The following RPL15 variants were observed in gnomAD, a reference collection of about 807,000 sequenced individuals.
The protein encoded by RPL15 is ribosomal protein L15.
For synonymous variants in RPL15, 97 were observed against 95.1 expected (o/e 1.02, Z -0.12); for missense variants, 161 against 271.8 (o/e 0.59, Z 2.87).
intron 2 of RPL15, 150 bp downstream of exon 2, chr3:23,918,181 C>T (rs1401563149): frequency 4.7e-6 from 5 of 1,052,964 alleles, no homozygotes; most frequent in Middle Eastern, 3.1e-4. Context: ...TTACTGTATG[C>T]ACTGTTGTCT....
At chr3:23,918,394 T>C in intron 2 of RPL15, 46 bp from the exon 3 acceptor site, 1 of 1,600,028 alleles carries the variant, frequency 6.2e-7, no homozygotes, top group Non-Finnish European at 8.5e-7. Flanking sequence ...TCTTAAGCCT[T>C]ACGGCTTCCT....
chr3:23,917,737 C>A (rs888457248), intron 1 of RPL15, 113 bp from the exon 2 acceptor site: 2 of 1,095,270 alleles, frequency 1.8e-6, no homozygotes, highest in Admixed American at 2.7e-5. Context: ...GGTGCAGAGC[C>A]ATTTTCATTC....
At chr3:23,917,682 C>G (rs1408207653) in intron 1 of RPL15, 168 bp from the exon 2 acceptor site, 2 of 640,896 alleles carry the variant, frequency 3.1e-6, no homozygotes, top group Non-Finnish European at 5.3e-6. Context: ...GAACGCGGCT[C>G]CGTGGGCGCA....
At chr3:23,918,252 C>T (rs568648252) in intron 2 of RPL15, 188 bp from the exon 3 acceptor site, 23 of 895,602 alleles carry the variant, frequency 2.6e-5, no homozygotes, top group Non-Finnish European at 3.7e-5. Flanking sequence ...GCAAAATAAA[C>T]AGTGTGCCTC....
In RPL15 at chr3:23,919,498, C is replaced by T. The variant is rs1317196774; in HGVS notation, c.612C>T (p.Arg204=). Reference sequence around the variant, plus strand: ...ATACTCTCCAGCTCCACCGTTACCGCTAATATAAGTAAAGTTTGTAAAATT... The same window carrying T: ...ATACTCTCCAGCTCCACCGTTACCGTTAATATAAGTAAAGTTTGTAAAATT... ...RRNTLQLHRY[R] is the part of the protein sequence containing the mutation. Residue 204 remains arginine (R), a synonymous_variant, in exon 4 of 4, where the codon CGC becomes CGT. Transcript: ENST00000307839. 9.6e-6 allele frequency: 15 copies of T among 1,562,074 alleles called. No individual in the cohort carries two copies. Among genetic ancestry groups the T allele is most frequent in the Non-Finnish European group, 1.2e-5 (14 of 1,159,644 alleles).
At chr3:23,919,142 T>A in intron 3 of RPL15, 54 bp from the exon 4 acceptor site, 1 of 1,234,360 alleles carries the variant, frequency 8.1e-7, no homozygotes, top group Non-Finnish European at 1.2e-6. Flanking sequence ...TCTTTCTGAC[T>A]TGCTGCTATA....
At chr3:23,921,858 A>C, downstream of RPL15, 1 of 498,174 alleles carries the variant, frequency 2.0e-6, no homozygotes, top group Non-Finnish European at 3.5e-6. Context: ...TACAGGCGTG[A>C]GCCACCACCC....
At position 23,917,960 on chromosome 3, in the gene RPL15, C is replaced by T. The variant is rs766367909; in HGVS notation, c.101C>T (p.Ser34Phe). The part of the protein sequence containing the change: ...RVRCWQYRQL[S>F]ALHRAPRPTR... ...CGCTGCTGGCAGTACCGCCAGCTCT[C>T]TGCTCTCCACAGGGCTCCCCGCCCC... is the stretch of plus-strand genomic sequence containing the variant. The change falls in exon 2 of 4, where the codon TCT becomes TTT. Residue 34 changes from serine (S) to phenylalanine (F), a missense_variant. By Grantham distance (155) the Ser-to-Phe change is radical. Transcript: ENST00000307839. 2 of 1,613,744 alleles carry T rather than the reference C, an allele frequency of 1.2e-6. No homozygotes were observed. The highest frequency in any genetic ancestry group is 1.7e-6 in the Non-Finnish European group (2 of 1,179,854).
upstream of RPL15, chr3:23,916,969 G>A (rs1453821290): frequency 6.6e-6 from 1 of 152,640 alleles, no homozygotes; most frequent in East Asian, 1.9e-4. Flanking sequence ...CTCGAATCTT[G>A]CGGAGCAGGG....
In RPL15 at chr3:23,920,371, C is replaced by T. The variant is rs1141623; in HGVS notation, c.*870C>T. On this transcript the variant is annotated 3_prime_UTR_variant, in exon 4 of 4. Transcript: ENST00000307839. Reference sequence around the variant, plus strand: ...CTCCCATAGGCTACAGAAAAAGTCACAAGCGCATGGTTTCCAACCATATGT... The same window carrying T: ...CTCCCATAGGCTACAGAAAAAGTCATAAGCGCATGGTTTCCAACCATATGT... The T allele has an allele frequency of 1.0e-6, 1 of 985,340 alleles. No homozygotes were observed. The highest frequency in any genetic ancestry group is 1.2e-6 in the Non-Finnish European group (1 of 829,864). The allele number at this position is 985,340 out of a possible 1,614,324, so 61.0% of individuals were successfully genotyped here. A position where few individuals can be genotyped will look rare whatever the true frequency, so the allele number is the denominator to read the frequency against.
At chr3:23,921,558 A>G, downstream of RPL15, 5 of 658,676 alleles carry the variant, frequency 7.6e-6, no homozygotes, top group South Asian at 3.2e-5. Flanking sequence ...ACACAGCAAC[A>G]TTGATTATTG....
chr3:23,924,431 A>T (rs553906237), downstream of RPL15: 2 of 152,178 alleles, frequency 1.3e-5, no homozygotes, highest in East Asian at 3.9e-4. Flanking sequence ...ATTTTTTGAG[A>T]CGAGTCTCTG....
rs1559512331 is a variant in RPL15, at chr3:23,919,533, T to C, written c.*32T>C. ...TAAAGTTTGTAAAATTCATACTTAATAAACAATTTAGGACAGTCATGTCTG... is the reference window on the plus strand; with the variant it reads ...TAAAGTTTGTAAAATTCATACTTAACAAACAATTTAGGACAGTCATGTCTG... On this transcript the variant is annotated 3_prime_UTR_variant, in exon 4 of 4. Coordinates refer to ENST00000307839, the MANE Select transcript of RPL15 (RefSeq NM_002948.5). The C allele has an allele frequency of 2.0e-6, 3 of 1,507,526 alleles. No homozygotes were observed. The highest frequency in any genetic ancestry group is 2.4e-4 in the Middle Eastern group (1 of 4,162). The allele number at this position is 1,507,526 out of a possible 1,614,324, so 93.4% of individuals were successfully genotyped here. A position where few individuals can be genotyped will look rare whatever the true frequency, so the allele number is the denominator to read the frequency against.
rs535298390 is a variant in RPL15, at chr3:23,920,329, G to A, written c.*828G>A. ...CCAGTCAGTCTTAAAAACATCTTGGGTTACCCACTCTGTCCACTCCCATAG... is the reference window on the plus strand; with the variant it reads ...CCAGTCAGTCTTAAAAACATCTTGGATTACCCACTCTGTCCACTCCCATAG... On this transcript the variant is annotated 3_prime_UTR_variant, in exon 4 of 4. Transcript: ENST00000307839. The A allele has an allele frequency of 5.1e-6, 5 of 985,570 alleles. No individual in the cohort carries two copies. In the South Asian group the frequency reaches 2.3e-4, roughly 46 times the overall value. 61.1% of individuals were successfully genotyped at this position (985,570 alleles called of 1,614,324 possible).
downstream of RPL15, chr3:23,921,533 A>G (rs945355915): frequency 4.5e-6 from 3 of 665,082 alleles, no homozygotes; most frequent in African/African-American, 3.8e-5. Context: ...CTATTTCTAT[A>G]TTGGCATGTA....
In RPL15 at chr3:23,920,668, C is replaced by A; in HGVS notation, c.*1167C>A. The A allele has an allele frequency of 1.0e-6, 1 of 985,198 alleles. No individual in the cohort carries two copies. Among genetic ancestry groups the A allele is most frequent in the Non-Finnish European group, 1.2e-6 (1 of 829,752 alleles). 61.0% of individuals were successfully genotyped at this position (985,198 alleles called of 1,614,324 possible). A position where few individuals can be genotyped will look rare whatever the true frequency, so the allele number is the denominator to read the frequency against. ...TCGTTCTGAACCAATTTTCTCCTAT[C>A]TTCTCTAGGGGTTTCAAAAGACTCA... On this transcript the variant is annotated 3_prime_UTR_variant, in exon 4 of 4. Transcript: ENST00000307839.
rs886527506 is a variant in RPL15 at position 23,919,578 on chromosome 3, T to A, written c.*77T>A. The A allele has an allele frequency of 7.0e-7, 1 of 1,432,426 alleles. No individual in the cohort carries two copies. The allele number at this position is 1,432,426 out of a possible 1,614,324, so 88.7% of individuals were successfully genotyped here. ...TGTCTGCTTACAGGTGTTATTTGTC[T>A]GTTAAAACTAGTCTGCAGATGTTTC... On this transcript the variant is annotated 3_prime_UTR_variant, in exon 4 of 4. Transcript: ENST00000307839.
chr3:23,920,660 TCTC>T lies in RPL15; in HGVS notation c.*1162_*1164del, dbSNP rs1471263438. 1.0e-6 allele frequency: 1 copy of T among 985,094 alleles called. No homozygotes were observed. The highest frequency in any genetic ancestry group is 1.2e-6 in the Non-Finnish European group (1 of 829,750). The allele number at this position is 985,094 out of a possible 1,614,324, so 61.0% of individuals were successfully genotyped here. On this transcript the variant is annotated 3_prime_UTR_variant, in exon 4 of 4. Transcript: ENST00000307839. ...TTAAATGCTCGTTCTGAACCAATTT[TCTC>T]CTATCTTCTCTAGGGGTTTCAAAAG... is the stretch of plus-strand genomic sequence containing the variant.
intron 3 of RPL15, 68 bp downstream of exon 3, chr3:23,918,644 A>G (rs537088236): frequency 1.3e-6 from 2 of 1,550,054 alleles, no homozygotes; most frequent in South Asian, 2.4e-5. Flanking sequence ...AGATTAAGCA[A>G]CTTTTCTGAT....
Sources: allele counts gnomAD v4.1 joint callset, GRCh38; gene constraint gnomAD v4.1.1; transcripts MANE v1.5; gene names NCBI Gene and HGNC (gene_info 2026-07-23, HGNC 2026-07-21).